The following CNTNAP2 variants were observed in gnomAD, a reference collection of about 807,000 sequenced individuals.
CNTNAP2 encodes contactin-associated protein-like 2.
CNTNAP2 carries 98 observed loss-of-function variants against 155.2 expected under a neutral mutation model. That is an observed-to-expected ratio of 0.63 (90% CI 0.54 to 0.75). The LOEUF is 0.75. CNTNAP2 is among the 30% of genes least tolerant of loss of function. CNTNAP2 has a pLI of 0.00. For missense variants in CNTNAP2, 1,727 were observed against 1,688.1 expected, an observed-to-expected ratio of 1.02 and a Z score of -0.40; for synonymous variants, 651 against 631.2, an observed-to-expected ratio of 1.03 and a Z score of -0.47.
At chr7:147,703,494 G>A (rs946767902) in intron 13 of CNTNAP2, among the ~76,000 whole-genome samples, 1 of 152,028 alleles carries the variant, frequency 6.6e-6, no homozygotes, top group Non-Finnish European at 1.5e-5. Context: ...TAAATTATTA[G>A]GTCTATAATT....
chr7:148,390,665 CT>C (rs749215863), intron 22 of CNTNAP2, among the ~76,000 whole-genome samples: 2 of 152,318 alleles, frequency 1.3e-5, no homozygotes, highest in South Asian at 4.1e-4. Flanking sequence ...GGTGATCTTT[CT>C]GCTCCCATAC....
intron 21 of CNTNAP2, among the ~76,000 whole-genome samples, chr7:148,282,350 A>C (rs964718077): frequency 3.3e-5 from 5 of 152,232 alleles, no homozygotes; most frequent in Non-Finnish European, 5.9e-5. Context: ...CTGTGTCAGA[A>C]CACCTGCAAT....
rs183726383 is a variant in CNTNAP2, at chr7:146,938,772, C to T, written c.402+98868C>T. On this transcript the variant is annotated intron_variant, in intron 3 of 23. Coordinates refer to ENST00000361727, the MANE Select transcript of CNTNAP2 (RefSeq NM_014141.6). The stretch of plus-strand genomic sequence containing the variant: ...CAGCTTCTCGAGGGACAAAAAATTA[C>T]GCATTTCATTTTTATTTTGTGTGCT... Among the ~76,000 whole-genome samples the T allele has an allele frequency of 7.2e-5, 11 of 151,970 alleles. 1 individual carries two copies. The highest frequency in any genetic ancestry group is 6.2e-4 in the South Asian group (3 of 4,816).
intron 2 of CNTNAP2, among the ~76,000 whole-genome samples, chr7:146,833,726 T>C (rs1803559502): frequency 6.6e-6 from 1 of 152,194 alleles, no homozygotes; most frequent in Non-Finnish European, 1.5e-5. Flanking sequence ...CTGTAGCTGA[T>C]ACACACAGGG....
chr7:147,018,565 T>C (rs1464226776), intron 3 of CNTNAP2, among the ~76,000 whole-genome samples: 1 of 152,122 alleles, frequency 6.6e-6, no homozygotes, highest in Non-Finnish European at 1.5e-5. Flanking sequence ...TCAGATAAAG[T>C]TATTTAGTTT....
intron 1 of CNTNAP2, among the ~76,000 whole-genome samples, chr7:146,337,758 C>T (rs552754272): frequency 4.6e-5 from 7 of 152,230 alleles, no homozygotes; most frequent in Admixed American, 3.9e-4. Context: ...AGGTGTTAGC[C>T]ACCACACCCA....
intron 1 of CNTNAP2, among the ~76,000 whole-genome samples, chr7:146,206,735 G>T (rs556698451): frequency 6.6e-6 from 1 of 151,980 alleles, no homozygotes; most frequent in African/African-American, 2.4e-5. Context: ...CAATTCACCA[G>T]TCCATGTTCA....
intron 3 of CNTNAP2, among the ~76,000 whole-genome samples, chr7:146,907,843 G>T (rs1328345067): frequency 1.3e-5 from 2 of 152,084 alleles, no homozygotes; most frequent in Non-Finnish European, 2.9e-5. Context: ...CTAATTAAAA[G>T]ACACAGACTG....
intron 1 of CNTNAP2, among the ~76,000 whole-genome samples, chr7:146,156,625 T>C (rs1481558844): frequency 6.6e-6 from 1 of 152,048 alleles, no homozygotes; most frequent in African/African-American, 2.4e-5. Flanking sequence ...TTTTTTTAAA[T>C]GGAGTCTCAC....
intron 1 of CNTNAP2, among the ~76,000 whole-genome samples, chr7:146,209,547 T>C (rs1799002081): frequency 6.6e-6 from 1 of 152,188 alleles, no homozygotes; most frequent in Non-Finnish European, 1.5e-5. Flanking sequence ...AATTTTGAGT[T>C]CACAAGACTA....
At chr7:146,770,070 CAACT>C (rs1376030288) in intron 1 of CNTNAP2, among the ~76,000 whole-genome samples, 4 of 152,192 alleles carry the variant, frequency 2.6e-5, no homozygotes, top group African/African-American at 9.6e-5. Flanking sequence ...ATGAGCAACT[CAACT>C]AACAACAACC....
At chr7:148,057,035 T>TA (rs1310391272) in intron 15 of CNTNAP2, among the ~76,000 whole-genome samples, 1 of 152,220 alleles carries the variant, frequency 6.6e-6, no homozygotes, top group African/African-American at 2.4e-5. Flanking sequence ...TTGCTCAACT[T>TA]TTCTGAGTCT....
chr7:146,645,250 A>G (rs1367565544), intron 1 of CNTNAP2, among the ~76,000 whole-genome samples: 2 of 152,310 alleles, frequency 1.3e-5, no homozygotes, highest in Middle Eastern at 3.4e-3. Context: ...TCACAAGAAA[A>G]AAATCATGGC....
At chr7:148,019,655 C>G (rs1802242870) in intron 15 of CNTNAP2, among the ~76,000 whole-genome samples, 1 of 152,098 alleles carries the variant, frequency 6.6e-6, no homozygotes, top group South Asian at 2.1e-4. Flanking sequence ...CAGTGTTTCA[C>G]TATGTTGCCC....
At chr7:146,912,648 T>C (rs575920791) in intron 3 of CNTNAP2, among the ~76,000 whole-genome samples, 1 of 152,272 alleles carries the variant, frequency 6.6e-6, no homozygotes, top group East Asian at 1.9e-4. Flanking sequence ...CTTATTCTAA[T>C]CTCATAATTT....
At position 148,229,555 on chromosome 7, in the gene CNTNAP2, G is replaced by T; in HGVS notation, c.3248-91G>T. Reference sequence around the variant, plus strand: ...AAAGAAAAGAAAAGAAAGGAAGAAAGAAAGAATCTAAGAGCAGGAATTGAG... The same window carrying T: ...AAAGAAAAGAAAAGAAAGGAAGAAATAAAGAATCTAAGAGCAGGAATTGAG... On this transcript the variant is annotated intron_variant, in intron 19 of 23. Transcript: ENST00000361727. The T allele has an allele frequency of 4.7e-6, 7 of 1,480,566 alleles. 1 individual carries two copies. In the South Asian group the frequency reaches 8.1e-5, roughly 17 times the overall value. 91.7% of individuals were successfully genotyped at this position (1,480,566 alleles called of 1,614,324 possible). A position where few individuals can be genotyped will look rare whatever the true frequency, so the allele number is the denominator to read the frequency against.
intron 12 of CNTNAP2, among the ~76,000 whole-genome samples, chr7:147,605,200 T>G (rs1801037377): frequency 6.6e-6 from 1 of 152,182 alleles, no homozygotes. Flanking sequence ...ATTGTCCATT[T>G]CTTTTTTTTC....
At chr7:148,081,597 C>T (rs939501513) in intron 15 of CNTNAP2, among the ~76,000 whole-genome samples, 8 of 151,932 alleles carry the variant, frequency 5.3e-5, no homozygotes, top group African/African-American at 1.2e-4. Flanking sequence ...CTTCAGCTTG[C>T]GGATGGCCTA....
chr7:148,100,608 G>C (rs73472234), intron 15 of CNTNAP2, among the ~76,000 whole-genome samples: 1,638 of 152,242 alleles, frequency 0.011, 36 homozygotes, highest in African/African-American at 0.038. Context: ...AAAATAGCTT[G>C]TCCCTTAACA....
Sources: allele counts gnomAD v4.1 joint callset (sites outside exome capture counted in the v4.1 genomes callset), GRCh38; gene constraint gnomAD v4.1.1; transcripts MANE v1.5; gene names NCBI Gene and HGNC (gene_info 2026-07-23, HGNC 2026-07-21).